Variants in HPSE2 observed in about 807,000 individuals in gnomAD.
The protein encoded by HPSE2 is inactive heparanase-2.
In HPSE2, 38 loss-of-function variants were observed where a neutral mutation model predicts 60.5. The ratio of observed to expected loss-of-function variants is 0.63; its 90% CI spans 0.48 to 0.82. The LOEUF (loss-of-function observed/expected upper bound fraction) is 0.82. Ranked by LOEUF, HPSE2 falls within the 40% of genes least tolerant of loss-of-function variation. The pLI is 0.00. For missense variants in HPSE2, 713 were observed against 740.4 expected, an observed-to-expected ratio of 0.96 and a Z score of 0.43; for synonymous variants, 295 against 293.2, an observed-to-expected ratio of 1.01 and a Z score of -0.06.
chr10:98,768,374 AG>A (rs1168413557), intron 3 of HPSE2, among the ~76,000 whole-genome samples: 2 of 152,192 alleles, frequency 1.3e-5, no homozygotes, highest in African/African-American at 4.8e-5. Flanking sequence ...GAAAGCGGGC[AG>A]GAGACTCTTG....
chr10:98,764,656 C>T (rs761790870), intron 3 of HPSE2, among the ~76,000 whole-genome samples: 31 of 152,204 alleles, frequency 2.0e-4, no homozygotes, highest in African/African-American at 7.2e-4. Context: ...AAGTTCGAGA[C>T]CAGCCAGACC....
chr10:98,804,594 C>T (rs1017657565), intron 3 of HPSE2, among the ~76,000 whole-genome samples: 10 of 152,072 alleles, frequency 6.6e-5, no homozygotes, highest in Admixed American at 2.6e-4. Flanking sequence ...CCATCTCACC[C>T]CATTTAAAAT....
intron 3 of HPSE2, among the ~76,000 whole-genome samples, chr10:98,877,420 T>C (rs1952907311): frequency 6.6e-6 from 1 of 151,936 alleles, no homozygotes; most frequent in Non-Finnish European, 1.5e-5. Flanking sequence ...AAACTCTCTG[T>C]GTTCAAATCC....
At chr10:98,677,199 C>A (rs1947666566) in intron 6 of HPSE2, among the ~76,000 whole-genome samples, 1 of 152,190 alleles carries the variant, frequency 6.6e-6, no homozygotes, top group African/African-American at 2.4e-5. Flanking sequence ...TTGTTTCTTT[C>A]TATTCCCTTG....
chr10:98,880,163 C>T (rs1190645568), intron 3 of HPSE2, among the ~76,000 whole-genome samples: 3 of 151,944 alleles, frequency 2.0e-5, no homozygotes, highest in African/African-American at 7.3e-5. Context: ...AGAAACATTT[C>T]CTTTTTCTTA....
intron 3 of HPSE2, among the ~76,000 whole-genome samples, chr10:99,117,567 A>G (rs1023726794): frequency 1.3e-5 from 2 of 152,046 alleles, no homozygotes; most frequent in Non-Finnish European, 2.9e-5. Context: ...ATAAATAATC[A>G]TAAGCAATTA....
At chr10:98,847,411 G>A (rs1216057280) in intron 3 of HPSE2, among the ~76,000 whole-genome samples, 1 of 152,200 alleles carries the variant, frequency 6.6e-6, no homozygotes, top group African/African-American at 2.4e-5. Context: ...GGGAATTAAC[G>A]CTAGAGAGGT....
intron 3 of HPSE2, among the ~76,000 whole-genome samples, chr10:98,785,629 T>C (rs1678433795): frequency 1.4e-5 from 2 of 147,388 alleles, no homozygotes; most frequent in East Asian, 2.0e-4. Context: ...GAGCCTGTTA[T>C]TGGTCTATTC....
chr10:98,923,751 T>A (rs1954359121), intron 3 of HPSE2, among the ~76,000 whole-genome samples: 3 of 152,096 alleles, frequency 2.0e-5, no homozygotes, highest in Admixed American at 2.0e-4. Context: ...TTGATTCTAT[T>A]TAATTATTTC....
chr10:98,669,974 A>G (rs957471135), intron 6 of HPSE2, among the ~76,000 whole-genome samples: 2 of 152,226 alleles, frequency 1.3e-5, no homozygotes, highest in Non-Finnish European at 2.9e-5. Context: ...AGGAAAGGCC[A>G]CTTTGACATT....
intron 3 of HPSE2, among the ~76,000 whole-genome samples, chr10:98,928,988 TAATA>T (rs75302353): frequency 0.19 from 25,310 of 130,866 alleles, 4,911 homozygotes; most frequent in East Asian, 0.33. Flanking sequence ...TAAAGTATAA[TAATA>T]AATAAATAAA....
At chr10:99,036,178 G>GC (rs1393640857) in intron 3 of HPSE2, among the ~76,000 whole-genome samples, 2 of 152,032 alleles carry the variant, frequency 1.3e-5, no homozygotes, top group Admixed American at 6.6e-5. Context: ...ATGCACCACT[G>GC]CACTCCAGCC....
intron 9 of HPSE2, among the ~76,000 whole-genome samples, chr10:98,530,197 G>A (rs1368606466): frequency 6.6e-6 from 1 of 152,148 alleles, no homozygotes; most frequent in Non-Finnish European, 1.5e-5. Context: ...GAGGTGGGGT[G>A]GGGTTTGCGC....
intron 4 of HPSE2, among the ~76,000 whole-genome samples, chr10:98,722,366 G>A (rs1039330206): frequency 2.0e-5 from 3 of 151,544 alleles, no homozygotes; most frequent in Non-Finnish European, 1.5e-5. Context: ...GGCAGCCACC[G>A]GAAGCTAGGA....
chr10:99,276,717 C>T, the HPSE2 span, among the ~76,000 whole-genome samples: 4 of 152,062 alleles, frequency 2.6e-5, no homozygotes, highest in African/African-American at 9.7e-5. Context: ...AAATCAGGCA[C>T]AATGACACAA....
At chr10:99,045,497 C>G (rs756158712) in intron 3 of HPSE2, among the ~76,000 whole-genome samples, 11 of 151,676 alleles carry the variant, frequency 7.3e-5, no homozygotes, top group Non-Finnish European at 1.6e-4. Context: ...ACAGAAGAAC[C>G]AAATGAAATT....
chr10:99,118,222 G>A (rs1844786346), intron 3 of HPSE2, among the ~76,000 whole-genome samples: 1 of 152,006 alleles, frequency 6.6e-6, no homozygotes, highest in Admixed American at 6.6e-5. Flanking sequence ...AATAAACTAA[G>A]TATTGAAAGA....
chr10:99,076,442 C>T (rs1426579874), intron 3 of HPSE2, among the ~76,000 whole-genome samples: 1 of 152,152 alleles, frequency 6.6e-6, no homozygotes, highest in African/African-American at 2.4e-5. Flanking sequence ...GGCTGGAGAG[C>T]AGTGGTGTGA....
chr10:98,780,798 C>G (rs1210905507), intron 3 of HPSE2, among the ~76,000 whole-genome samples: 2 of 152,052 alleles, frequency 1.3e-5, no homozygotes, highest in African/African-American at 4.8e-5. Context: ...GGACTTGACT[C>G]AAATGTCACT....
Sources: gnomAD v4.1 joint callset for allele counts (sites outside exome capture counted in the v4.1 genomes callset) on GRCh38, gnomAD v4.1.1 for gene constraint, MANE v1.5 for transcripts, NCBI Gene and HGNC (gene_info 2026-07-23, HGNC 2026-07-21) for gene names.